The following INVS variants were observed in gnomAD, a reference collection of about 807,000 sequenced individuals.
The protein encoded by INVS is inversin.
In INVS, 86 loss-of-function variants were observed where a neutral mutation model predicts 108.8. That is an observed-to-expected ratio of 0.79 (90% CI 0.66 to 0.95). INVS has a LOEUF of 0.95. Ranked by LOEUF, INVS falls within the 40% of genes least tolerant of loss-of-function variation. INVS has a pLI of 0.00. For synonymous variants in INVS, 455 were observed against 473.5 expected, an observed-to-expected ratio of 0.96 and a Z score of 0.51; for missense variants, 1,169 against 1,297.4, an observed-to-expected ratio of 0.90 and a Z score of 1.52.
rs991450996 is a variant in INVS at position 100,119,837 on chromosome 9, C to T, written c.107-6546C>T. ...CCTCCCAAAGTGTTGGGATTACAGG[C>T]GTGAGCCGCTGCACCTGGTCCAGAA... On this transcript the variant is annotated intron_variant, in intron 2 of 16. Transcript: ENST00000262457. Among the ~76,000 whole-genome samples, 9 of 152,122 alleles carry T rather than the reference C, an allele frequency of 5.9e-5. No individual in the cohort carries two copies. The East Asian group carries it at 1.2e-3, about 19-fold the overall frequency.
chr9:100,184,935 A>G (rs1307048080), intron 3 of INVS, among the ~76,000 whole-genome samples: 2 of 152,314 alleles, frequency 1.3e-5, no homozygotes, highest in Non-Finnish European at 2.9e-5. Flanking sequence ...ATCCTTTGCT[A>G]TAAAGCTATT....
At chr9:100,121,755 T>A (rs918886832) in intron 2 of INVS, among the ~76,000 whole-genome samples, 5 of 152,108 alleles carry the variant, frequency 3.3e-5, no homozygotes, top group African/African-American at 1.2e-4. Flanking sequence ...GGGTTAAATT[T>A]GCTCTTCTGT....
intron 11 of INVS, among the ~76,000 whole-genome samples, chr9:100,267,301 T>C (rs1588134615): frequency 6.6e-6 from 1 of 152,218 alleles, no homozygotes; most frequent in Non-Finnish European, 1.5e-5. Flanking sequence ...CTAACTTTAC[T>C]TGCCAAACTA....
At chr9:100,270,072 A>G (rs1832905530) in intron 11 of INVS, among the ~76,000 whole-genome samples, 1 of 152,186 alleles carries the variant, frequency 6.6e-6, no homozygotes. Flanking sequence ...AGTGATAGTC[A>G]TCGTTACCAT....
chr9:100,203,393 T>C (rs1830585894), intron 3 of INVS, among the ~76,000 whole-genome samples: 1 of 152,064 alleles, frequency 6.6e-6, no homozygotes, highest in African/African-American at 2.4e-5. Flanking sequence ...GTTTATTTTA[T>C]CCAGGCTAGG....
intron 10 of INVS, among the ~76,000 whole-genome samples, chr9:100,255,629 G>C (rs1317183010): frequency 1.3e-5 from 2 of 152,170 alleles, no homozygotes. Context: ...AGGAAGGGCT[G>C]TTGGATTTTG....
At chr9:100,258,957 C>G (rs1050383182) in intron 10 of INVS, among the ~76,000 whole-genome samples, 2 of 152,210 alleles carry the variant, frequency 1.3e-5, no homozygotes, top group African/African-American at 4.8e-5. Context: ...CAGACAGGGT[C>G]GTTTAAGTCT....
intron 3 of INVS, among the ~76,000 whole-genome samples, chr9:100,178,995 A>G (rs761084764): frequency 2.6e-5 from 4 of 152,180 alleles, no homozygotes; most frequent in Admixed American, 6.5e-5. Context: ...AACATTCTTG[A>G]AGAAAAGAAT....
chr9:100,191,724 G>A (rs1830226588), intron 3 of INVS, among the ~76,000 whole-genome samples: 2 of 152,140 alleles, frequency 1.3e-5, no homozygotes, highest in African/African-American at 4.8e-5. Flanking sequence ...TGGAGAGTTA[G>A]TGTGATCTTT....
chr9:100,297,891 C>T (rs763513791), intron 15 of INVS, 45 bp from the exon 16 acceptor site: 60 of 1,602,202 alleles, frequency 3.7e-5, no homozygotes, highest in Non-Finnish European at 4.9e-5. Context: ...TCAGGCCAAA[C>T]GTATCCCTGG....
chr9:100,262,659 A>C (rs939434850), intron 10 of INVS, among the ~76,000 whole-genome samples: 4 of 141,764 alleles, frequency 2.8e-5, no homozygotes, highest in East Asian at 2.0e-4. Flanking sequence ...AAAAAAAAAA[A>C]AACTTGATAT....
intron 6 of INVS, among the ~76,000 whole-genome samples, chr9:100,242,204 A>G (rs1831896844): frequency 6.6e-6 from 1 of 152,236 alleles, no homozygotes; most frequent in African/African-American, 2.4e-5. Context: ...GAGTAGGAGC[A>G]GTGAAGGCTA....
intron 13 of INVS, 90 bp downstream of exon 13, chr9:100,284,693 T>C: frequency 7.3e-7 from 1 of 1,360,932 alleles, no homozygotes; most frequent in East Asian, 2.4e-5. Flanking sequence ...CTTAAGATAA[T>C]TGTTATATTA....
chr9:100,185,464 A>AT (rs202151949), intron 3 of INVS, among the ~76,000 whole-genome samples: 56 of 139,640 alleles, frequency 4.0e-4, no homozygotes, highest in East Asian at 1.8e-3. Flanking sequence ...TATAAATAGA[A>AT]TTTTTTTTTT....
At chr9:100,220,974 C>CAAAA (rs59090085) in intron 3 of INVS, among the ~76,000 whole-genome samples, 3 of 140,954 alleles carry the variant, frequency 2.1e-5, no homozygotes, top group Non-Finnish European at 3.1e-5. Context: ...GACTCTGTCC[C>CAAAA]AAAAAAAAAA....
chr9:100,233,103 A>G (rs1831565067), intron 5 of INVS, among the ~76,000 whole-genome samples: 1 of 152,092 alleles, frequency 6.6e-6, no homozygotes, highest in Non-Finnish European at 1.5e-5. Context: ...TGTAAGTTGT[A>G]TTCCTAGGTA....
chr9:100,291,516 C>T (rs1833614726), intron 13 of INVS, among the ~76,000 whole-genome samples: 1 of 152,160 alleles, frequency 6.6e-6, no homozygotes, highest in Non-Finnish European at 1.5e-5. Flanking sequence ...ATTGTTTCCT[C>T]ATGCATTTTG....
chr9:100,202,092 G>GTTTTTTTTTTTTT (rs35296886), intron 3 of INVS, among the ~76,000 whole-genome samples: 1 of 147,870 alleles, frequency 6.8e-6, no homozygotes. Flanking sequence ...TATTACAATA[G>GTTTTTTTTTTTTT]TTTTTTTTTT....
At chr9:100,101,008 T>TA (rs1167729116) in intron 1 of INVS, among the ~76,000 whole-genome samples, 2 of 95,288 alleles carry the variant, frequency 2.1e-5, no homozygotes, top group East Asian at 4.9e-4. Context: ...ATAATATATA[T>TA]ATTATATGTA....
Sources: allele counts gnomAD v4.1 joint callset (sites outside exome capture counted in the v4.1 genomes callset), GRCh38; gene constraint gnomAD v4.1.1; transcripts MANE v1.5; gene names NCBI Gene and HGNC (gene_info 2026-07-23, HGNC 2026-07-21).